LRRC4C: variants seen among roughly 807,000 people sequenced by gnomAD.
LRRC4C encodes leucine-rich repeat-containing protein 4C.
In LRRC4C, 5 loss-of-function variants were observed where a neutral mutation model predicts 33.6. The ratio of observed to expected loss-of-function variants is 0.15; its 90% CI spans 0.08 to 0.31. LRRC4C has a LOEUF of 0.31. LRRC4C is among the 10% of genes least tolerant of loss of function. The pLI is 1.00. For synonymous variants in LRRC4C, 329 were observed against 302.0 expected, an observed-to-expected ratio of 1.09 and a Z score of -0.93; for missense variants, 560 against 796.7, an observed-to-expected ratio of 0.70 and a Z score of 3.58.
intron 5 of LRRC4C, among the ~76,000 whole-genome samples, chr11:40,167,768 T>C (rs189765958): frequency 6.6e-6 from 1 of 152,136 alleles, no homozygotes; most frequent in Admixed American, 6.5e-5. Context: ...TACTCACCCT[T>C]ATAAGGGAAT....
chr11:40,727,476 C>A (rs984858384), intron 2 of LRRC4C, among the ~76,000 whole-genome samples: 1 of 151,908 alleles, frequency 6.6e-6, no homozygotes, highest in African/African-American at 2.4e-5. Flanking sequence ...AGAAGAAAAC[C>A]TAGGAAACAC....
chr11:40,532,904 C>A (rs2135324581), intron 3 of LRRC4C, among the ~76,000 whole-genome samples: 1 of 152,180 alleles, frequency 6.6e-6, no homozygotes, highest in South Asian at 2.1e-4. Flanking sequence ...CAAGGAAAAG[C>A]AAGGCACCTT....
chr11:41,277,634 C>T (rs12270912), intron 1 of LRRC4C, among the ~76,000 whole-genome samples: 27,629 of 151,980 alleles, frequency 0.18, 3,075 homozygotes, highest in East Asian at 0.43. Flanking sequence ...GACAACTGAG[C>T]TAAGACTTCA....
intron 1 of LRRC4C, among the ~76,000 whole-genome samples, chr11:41,292,882 A>G (rs1950030877): frequency 6.6e-6 from 1 of 152,196 alleles, no homozygotes; most frequent in Non-Finnish European, 1.5e-5. Context: ...CAAATTTCAC[A>G]TGCTGTGAGT....
At chr11:40,653,810 G>A (rs1942945015) in intron 2 of LRRC4C, among the ~76,000 whole-genome samples, 1 of 152,132 alleles carries the variant, frequency 6.6e-6, no homozygotes, top group Non-Finnish European at 1.5e-5. Context: ...GGTCTTCATG[G>A]CAGCCCCACC....
At chr11:41,253,417 T>C (rs1948704097) in intron 1 of LRRC4C, among the ~76,000 whole-genome samples, 1 of 152,110 alleles carries the variant, frequency 6.6e-6, no homozygotes, top group South Asian at 2.1e-4. Context: ...TGAAGACCAT[T>C]TCATATGAGT....
chr11:40,195,442 G>A (rs374987708), intron 5 of LRRC4C, among the ~76,000 whole-genome samples: 8 of 152,302 alleles, frequency 5.3e-5, no homozygotes, highest in African/African-American at 1.9e-4. Flanking sequence ...GGTTGAGATT[G>A]GGGTGAGAGA....
chr11:41,151,902 A>C (rs570756119), intron 1 of LRRC4C, among the ~76,000 whole-genome samples: 1 of 152,352 alleles, frequency 6.6e-6, no homozygotes, highest in Non-Finnish European at 1.5e-5. Context: ...TAATGTAAAA[A>C]GTTCAGCACA....
chr11:41,014,385 C>T (rs1358330212), intron 1 of LRRC4C, among the ~76,000 whole-genome samples: 1 of 152,032 alleles, frequency 6.6e-6, no homozygotes, highest in East Asian at 1.9e-4. Context: ...TCTCCTCCTC[C>T]ATAGTGAGGT....
intron 5 of LRRC4C, among the ~76,000 whole-genome samples, chr11:40,150,882 A>C (rs1858147292): frequency 2.0e-5 from 3 of 152,194 alleles, no homozygotes; most frequent in South Asian, 4.1e-4. Flanking sequence ...TTTGTTATGG[A>C]GGTAGAGAGA....
Position 40,573,866 on chromosome 11 carries a change from T to C in LRRC4C, c.-270+74276A>G, listed in dbSNP as rs72886953. 3.6e-3 allele frequency among the ~76,000 whole-genome samples: 551 copies of C among 152,258 alleles called. 2 individuals are homozygous for C. The highest frequency in any genetic ancestry group is 6.0e-3 in the Non-Finnish European group (409 of 68,012). The stretch of plus-strand genomic sequence containing the variant: ...GGTAGACTACAGTCATCTTTTTTTT[T>C]CCCAAGAATAAACTCTGACCATGGA... On this transcript the variant is annotated intron_variant, in intron 3 of 6. Coordinates refer to ENST00000528697, the MANE Select transcript of LRRC4C (RefSeq NM_001258419.2).
intron 2 of LRRC4C, among the ~76,000 whole-genome samples, chr11:40,883,299 T>A (rs949596387): frequency 1.3e-5 from 2 of 152,018 alleles, no homozygotes; most frequent in Non-Finnish European, 2.9e-5. Flanking sequence ...TGCCCCCCTA[T>A]AGTCAACTGT....
At chr11:40,359,540 T>C (rs543716657) in intron 3 of LRRC4C, among the ~76,000 whole-genome samples, 1 of 152,326 alleles carries the variant, frequency 6.6e-6, no homozygotes, top group Non-Finnish European at 1.5e-5. Flanking sequence ...ATGCTAATTC[T>C]GGTCCTTATC....
chr11:40,183,994 T>C (rs1199945851), intron 5 of LRRC4C, among the ~76,000 whole-genome samples: 6 of 152,216 alleles, frequency 3.9e-5, no homozygotes, highest in Admixed American at 3.9e-4. Context: ...GAGTTAAGAA[T>C]AGAACTGAAA....
chr11:40,789,315 G>T (rs534286373), intron 2 of LRRC4C, among the ~76,000 whole-genome samples: 11 of 152,126 alleles, frequency 7.2e-5, no homozygotes, highest in African/African-American at 2.2e-4. Context: ...CTAGCAATCA[G>T]TTGAGTTTCT....
intron 1 of LRRC4C, among the ~76,000 whole-genome samples, chr11:41,067,393 A>G (rs1938329471): frequency 6.6e-6 from 1 of 152,220 alleles, no homozygotes; most frequent in African/African-American, 2.4e-5. Context: ...TGCACTCAAT[A>G]CAGGAGCACC....
At chr11:40,730,367 A>G (rs1462776048) in intron 2 of LRRC4C, among the ~76,000 whole-genome samples, 1 of 152,218 alleles carries the variant, frequency 6.6e-6, no homozygotes, top group Non-Finnish European at 1.5e-5. Flanking sequence ...TTAACCACGT[A>G]GAACCCCAAA....
At chr11:40,457,899 C>T (rs1269308075) in intron 3 of LRRC4C, among the ~76,000 whole-genome samples, 2 of 152,122 alleles carry the variant, frequency 1.3e-5, no homozygotes. Flanking sequence ...TAGCCATTCT[C>T]CTTTTCTTCT....
chr11:40,323,562 C>T (rs1590316125), intron 3 of LRRC4C, among the ~76,000 whole-genome samples: 1 of 152,164 alleles, frequency 6.6e-6, no homozygotes, highest in Non-Finnish European at 1.5e-5. Context: ...AATGTTGGCC[C>T]TATCCACTAA....
Sources: allele counts gnomAD v4.1 joint callset (sites outside exome capture counted in the v4.1 genomes callset), GRCh38; gene constraint gnomAD v4.1.1; transcripts MANE v1.5; gene names NCBI Gene and HGNC (gene_info 2026-07-23, HGNC 2026-07-21).